The following ZNF385D variants were observed in gnomAD, a reference collection of about 807,000 sequenced individuals.
The protein encoded by ZNF385D is zinc finger protein 659.
A neutral mutation model predicts 35.8 loss-of-function variants in ZNF385D; 15 were observed. That is an observed-to-expected ratio of 0.42 (90% CI 0.28 to 0.64). ZNF385D has a LOEUF of 0.64. ZNF385D is among the 30% of genes least tolerant of loss of function. The probability of loss-of-function intolerance (pLI) is 0.23; values close to 1 mark genes in which losing one functional copy is unlikely to be tolerated. For synonymous variants in ZNF385D, 212 were observed against 186.8 expected, an observed-to-expected ratio of 1.13 and a Z score of -1.10; for missense variants, 474 against 494.6, an observed-to-expected ratio of 0.96 and a Z score of 0.39.
At chr3:21,995,824 G>A (rs1230915878) in intron 3 of ZNF385D, among the ~76,000 whole-genome samples, 1 of 152,020 alleles carries the variant, frequency 6.6e-6, no homozygotes, top group African/African-American at 2.4e-5. Flanking sequence ...TGCTGTCAGT[G>A]TCAGCATCGC....
At chr3:21,518,990 T>TC (rs985681250) in intron 3 of ZNF385D, among the ~76,000 whole-genome samples, 6 of 152,298 alleles carry the variant, frequency 3.9e-5, no homozygotes, top group African/African-American at 1.4e-4. Flanking sequence ...TCGCATTTTT[T>TC]CCCGAAGTGA....
chr3:21,569,424 C>T (rs1251421961), intron 2 of ZNF385D, among the ~76,000 whole-genome samples: 2 of 150,542 alleles, frequency 1.3e-5, no homozygotes, highest in Non-Finnish European at 2.9e-5. Flanking sequence ...GGTAGATCTT[C>T]CTCCATGCTT....
At chr3:22,074,480 T>C (rs1005995868) in intron 3 of ZNF385D, among the ~76,000 whole-genome samples, 1 of 151,956 alleles carries the variant, frequency 6.6e-6, no homozygotes, top group Non-Finnish European at 1.5e-5. Context: ...TAGTTGAACA[T>C]GAATCTTGCA....
At chr3:21,830,037 T>C (rs1168663861) in intron 3 of ZNF385D, among the ~76,000 whole-genome samples, 2 of 151,896 alleles carry the variant, frequency 1.3e-5, no homozygotes, top group Non-Finnish European at 2.9e-5. Flanking sequence ...GGCAGGAGAA[T>C]TGCTTGAACT....
At chr3:22,195,416 T>G (rs1696346303) in intron 2 of ZNF385D, among the ~76,000 whole-genome samples, 1 of 152,026 alleles carries the variant, frequency 6.6e-6, no homozygotes, top group African/African-American at 2.4e-5. Context: ...AGTCTTTTAT[T>G]GGCAGGGCCA....
At chr3:22,155,632 T>A (rs1439455570) in intron 3 of ZNF385D, among the ~76,000 whole-genome samples, 1 of 152,084 alleles carries the variant, frequency 6.6e-6, no homozygotes, top group Non-Finnish European at 1.5e-5. Context: ...TTCCTGATTG[T>A]CTCAAATGTA....
intron 1 of ZNF385D, among the ~76,000 whole-genome samples, chr3:21,730,333 A>T (rs2068938531): frequency 6.6e-6 from 1 of 152,256 alleles, no homozygotes. Context: ...GACGATGCCC[A>T]ACTATGCTCT....
At position 21,914,108 on chromosome 3, in the gene ZNF385D, C is replaced by T. The variant is rs564889252; in HGVS notation, c.326-249080G>A. ...TTCACAGGGAGACACATGTAGCCTACAGTTTAACATTGGAAGCATCTTAAA... is the reference window on the plus strand; with the variant it reads ...TTCACAGGGAGACACATGTAGCCTATAGTTTAACATTGGAAGCATCTTAAA... On this transcript the variant is annotated intron_variant, in intron 3 of 5. Coordinates refer to the ZNF385D transcript ENST00000494108. Among the ~76,000 whole-genome samples, 7 of 152,166 alleles carry T rather than the reference C, an allele frequency of 4.6e-5. No homozygotes were observed. In the South Asian group the frequency reaches 1.5e-3, roughly 32 times the overall value.
chr3:21,975,688 TTA>T (rs1450765826), intron 3 of ZNF385D, among the ~76,000 whole-genome samples: 1 of 141,020 alleles, frequency 7.1e-6, no homozygotes, highest in Admixed American at 7.7e-5. Flanking sequence ...TATATACCTA[TTA>T]TGTACCCACG....
intron 3 of ZNF385D, among the ~76,000 whole-genome samples, chr3:21,835,252 C>CT (rs11369567): frequency 0.89 from 133,245 of 149,850 alleles, 59,454 homozygotes; most frequent in African/African-American, 0.96. Flanking sequence ...AGTTTGCTTA[C>CT]TTTTTTTTTA....
At chr3:22,032,333 G>A (rs1698048875) in intron 3 of ZNF385D, among the ~76,000 whole-genome samples, 1 of 152,196 alleles carries the variant, frequency 6.6e-6, no homozygotes, top group African/African-American at 2.4e-5. Flanking sequence ...GGAAAAGCAA[G>A]TACTTCTTGA....
intron 3 of ZNF385D, among the ~76,000 whole-genome samples, chr3:21,819,796 A>G (rs2073322822): frequency 7.0e-6 from 1 of 143,838 alleles, no homozygotes; most frequent in East Asian, 2.0e-4. Flanking sequence ...TAATATACAT[A>G]TATACATAAA....
At chr3:21,426,415 T>C (rs889084643) in intron 5 of ZNF385D, among the ~76,000 whole-genome samples, 1 of 152,324 alleles carries the variant, frequency 6.6e-6, no homozygotes, top group Admixed American at 6.5e-5. Context: ...TTCATGCAAC[T>C]CTGATTGTCA....
chr3:22,358,836 G>C (rs1696274909), intron 2 of ZNF385D, among the ~76,000 whole-genome samples: 1 of 151,658 alleles, frequency 6.6e-6, no homozygotes, highest in Non-Finnish European at 1.5e-5. Context: ...GAACAGCATT[G>C]ATAATGGATG....
intron 3 of ZNF385D, among the ~76,000 whole-genome samples, chr3:21,945,057 G>C (rs1310206296): frequency 2.0e-5 from 3 of 151,738 alleles, no homozygotes; most frequent in Non-Finnish European, 2.9e-5. Context: ...CATAATATTT[G>C]TCAAATACTA....
chr3:21,879,317 A>G (rs705007), intron 3 of ZNF385D, among the ~76,000 whole-genome samples: 138,298 of 152,030 alleles, frequency 0.91, 63,279 homozygotes, highest in African/African-American at 0.95. Context: ...TGTCTTCTCT[A>G]GAGAGGACAC....
chr3:21,561,380 C>A (rs2062939948), intron 3 of ZNF385D, among the ~76,000 whole-genome samples: 1 of 152,196 alleles, frequency 6.6e-6, no homozygotes, highest in Non-Finnish European at 1.5e-5. Context: ...TCCCTCACAG[C>A]TTCCCTTGGC....
chr3:22,307,614 T>G (rs190953928), intron 2 of ZNF385D, among the ~76,000 whole-genome samples: 14 of 152,244 alleles, frequency 9.2e-5, no homozygotes, highest in Non-Finnish European at 1.5e-4. Context: ...TATGGTGGAC[T>G]ACTCAGCTAC....
intron 4 of ZNF385D, among the ~76,000 whole-genome samples, chr3:21,458,630 C>T (rs431138): frequency 0.17 from 26,438 of 151,844 alleles, 2,436 homozygotes; most frequent in Middle Eastern, 0.22. Context: ...AGGGACAAAG[C>T]CATGGCAAAA....
Sources: allele counts gnomAD v4.1 joint callset (sites outside exome capture counted in the v4.1 genomes callset), GRCh38; gene constraint gnomAD v4.1.1; transcripts MANE v1.5; gene names NCBI Gene and HGNC (gene_info 2026-07-23, HGNC 2026-07-21).